Variants in KLRD1 observed in about 807,000 individuals in gnomAD.
KLRD1 encodes the protein killer cell lectin like receptor D1.
In KLRD1, 21 loss-of-function variants were observed where a neutral mutation model predicts 22.6. The ratio of observed to expected loss-of-function variants is 0.93; its 90% confidence interval spans 0.66 to 1.34. The LOEUF is 1.34. KLRD1 is among the 40% of genes most tolerant of loss of function. The pLI, the probability that KLRD1 is intolerant of heterozygous loss-of-function variation, is 0.00. For missense variants in KLRD1, 183 were observed against 208.6 expected (o/e 0.88, Z 0.76); for synonymous variants, 59 against 71.1 (o/e 0.83, Z 0.85).
In KLRD1 at chr12:10,328,022, T is replaced by C. The variant is rs1950376479; in HGVS notation, c.*13229T>C. The C allele has an allele frequency of 1.3e-5, 2 of 152,298 alleles. No homozygotes were observed. The highest frequency in any genetic ancestry group is 2.1e-4 in the South Asian group (1 of 4,830). The allele number at this position is 152,298 out of a possible 1,614,324, so 9.4% of individuals were successfully genotyped here. A position where few individuals can be genotyped will look rare whatever the true frequency, so the allele number is the denominator to read the frequency against. On this transcript the variant is annotated 3_prime_UTR_variant, in exon 6 of 6. Transcript: ENST00000336164. ...CCCAGGGATAAATGCCACTTGCTTATGGCATATACTCCTTTTAGTGTACTG... is the reference window on the plus strand; with the variant it reads ...CCCAGGGATAAATGCCACTTGCTTACGGCATATACTCCTTTTAGTGTACTG...
rs190982215 is a variant in KLRD1 at position 10,247,178 on chromosome 12, T to C, written c.-101+20945T>C. Among the ~76,000 whole-genome samples, 65 of 152,030 alleles carry C rather than the reference T, an allele frequency of 4.3e-4. 1 individual carries two copies. The highest frequency in any genetic ancestry group is 7.9e-4 in the Admixed American group (12 of 15,256). On this transcript the variant is annotated intron_variant, in intron 1 of 5. Transcript: ENST00000544747. ...GAACTCCTGACCTCAGGGGGGAATT[T>C]CTATTTATATCAATAATATTTTCCA...
chr12:10,296,546 A>G (rs1194610664), intron 1 of KLRD1, among the ~76,000 whole-genome samples: 1 of 151,980 alleles, frequency 6.6e-6, no homozygotes, highest in African/African-American at 2.4e-5. Flanking sequence ...CCACACACAC[A>G]CACACAAAAA....
chr12:10,288,524 T>C (rs1949733225), intron 1 of KLRD1, among the ~76,000 whole-genome samples: 1 of 152,228 alleles, frequency 6.6e-6, no homozygotes, highest in African/African-American at 2.4e-5. Flanking sequence ...GAGACTCAGC[T>C]TGACCACTGC....
rs1026890697 is a variant in KLRD1 at position 10,327,005 on chromosome 12, C to T, written c.*12212C>T. ...GCCAAAACCAATGTCAAAAGGTTTT[C>T]CTCTATGTTTTCTTTGAAGGGCTTT... On this transcript the variant is annotated 3_prime_UTR_variant, in exon 6 of 6. Coordinates refer to ENST00000336164, the MANE Select transcript of KLRD1 (RefSeq NM_002262.5). The T allele has an allele frequency of 6.6e-6, 1 of 152,142 alleles. No homozygotes were observed. The highest frequency in any genetic ancestry group is 6.5e-5 in the Admixed American group (1 of 15,270). 9.4% of individuals were successfully genotyped at this position (152,142 alleles called of 1,614,324 possible).
chr12:10,243,808 T>C (rs138486326), intron 1 of KLRD1, among the ~76,000 whole-genome samples: 7 of 152,198 alleles, frequency 4.6e-5, no homozygotes, highest in African/African-American at 1.7e-4. Flanking sequence ...TTCTCATTGG[T>C]AGCGGTTTTA....
At chr12:10,312,669 T>C (rs1022367026) in intron 4 of KLRD1, among the ~76,000 whole-genome samples, 15 of 148,914 alleles carry the variant, frequency 1.0e-4, no homozygotes, top group African/African-American at 2.2e-4. Context: ...TGAGCCACCG[T>C]GCCCGGCCCC....
At chr12:10,311,390 T>C (rs1020076295) in intron 3 of KLRD1, 74 bp from the exon 4 acceptor site, 13 of 1,405,598 alleles carry the variant, frequency 9.2e-6, no homozygotes, top group African/African-American at 1.4e-5. Flanking sequence ...CAAATAATTT[T>C]TGAATAATTA....
chr12:10,274,018 C>T (rs1949571132), intron 1 of KLRD1, among the ~76,000 whole-genome samples: 1 of 152,184 alleles, frequency 6.6e-6, no homozygotes, highest in Non-Finnish European at 1.5e-5. Flanking sequence ...CATGGTGGCT[C>T]ATGCTTGTAA....
chr12:10,250,756 T>C (rs2137619189), intron 1 of KLRD1, among the ~76,000 whole-genome samples: 1 of 152,310 alleles, frequency 6.6e-6, no homozygotes, highest in Non-Finnish European at 1.5e-5. Flanking sequence ...CCATTATATG[T>C]TGAGGCAAGT....
upstream of KLRD1, among the ~76,000 whole-genome samples, chr12:10,304,069 T>C (rs1171452842): frequency 3.9e-5 from 6 of 152,176 alleles, no homozygotes; most frequent in African/African-American, 1.4e-4. Context: ...AAGGATTGGA[T>C]TGTCAAATCA....
At chr12:10,258,109 G>C (rs552302062) in intron 1 of KLRD1, among the ~76,000 whole-genome samples, 3 of 152,246 alleles carry the variant, frequency 2.0e-5, no homozygotes, top group South Asian at 4.1e-4. Flanking sequence ...AAACTTGCTA[G>C]CCTGCTGATG....
intron 1 of KLRD1, among the ~76,000 whole-genome samples, chr12:10,288,075 A>G (rs1949726319): frequency 6.6e-6 from 1 of 150,648 alleles, no homozygotes; most frequent in South Asian, 2.1e-4. Flanking sequence ...CTCAAAAAAA[A>G]AAAAAAAAAG....
intron 1 of KLRD1, among the ~76,000 whole-genome samples, chr12:10,251,850 G>C (rs1451077357): frequency 6.6e-6 from 1 of 152,158 alleles, no homozygotes; most frequent in African/African-American, 2.4e-5. Context: ...AGGAAGCAGA[G>C]CTCTGGTGGT....
intron 1 of KLRD1, among the ~76,000 whole-genome samples, chr12:10,254,224 C>T (rs1482815277): frequency 4.6e-5 from 7 of 151,334 alleles, no homozygotes; most frequent in Admixed American, 2.0e-4. Flanking sequence ...GTCAGGAGCT[C>T]GAGACCATTC....
In KLRD1 at chr12:10,315,940, A is replaced by T. The variant is rs1384296606; in HGVS notation, c.*1147A>T. The stretch of plus-strand genomic sequence containing the variant: ...TGAGACCAGCCTGGCCAACATGGTG[A>T]AACCCTGTCTCTACTAAAAATACAA... On this transcript the variant is annotated 3_prime_UTR_variant, in exon 6 of 6. Coordinates refer to ENST00000336164, the MANE Select transcript of KLRD1 (RefSeq NM_002262.5). 1 of 152,008 alleles carries T rather than the reference A, an allele frequency of 6.6e-6. No individual in the cohort carries two copies. Among genetic ancestry groups the T allele is most frequent in the Non-Finnish European group, 1.5e-5 (1 of 68,008 alleles). 9.4% of individuals were successfully genotyped at this position (152,008 alleles called of 1,614,324 possible).
intron 1 of KLRD1, chr12:10,308,292 C>G (rs1442548878): frequency 5.4e-6 from 3 of 560,710 alleles, no homozygotes. Context: ...GTTTTTTCCA[C>G]AGGTTTGAAG....
chr12:10,314,184 T>C (rs568241212), intron 5 of KLRD1, among the ~76,000 whole-genome samples: 6 of 123,564 alleles, frequency 4.9e-5, no homozygotes, highest in Non-Finnish European at 8.7e-5. Flanking sequence ...AAAAAAATAG[T>C]ATATTTATTA....
chr12:10,246,933 C>CT (rs71049075), intron 1 of KLRD1, among the ~76,000 whole-genome samples: 1,918 of 58,316 alleles, frequency 0.033, 42 homozygotes, highest in African/African-American at 0.08. Flanking sequence ...CTTTTCTTTT[C>CT]TTTTTTTTTT....
intron 1 of KLRD1, among the ~76,000 whole-genome samples, chr12:10,266,580 G>T (rs1446239907): frequency 2.0e-5 from 3 of 151,528 alleles, no homozygotes; most frequent in African/African-American, 7.3e-5. Context: ...AATCTACCTA[G>T]AAATTATTTT....
Sources: gnomAD v4.1 joint callset for allele counts (sites outside exome capture counted in the v4.1 genomes callset) on GRCh38, gnomAD v4.1.1 for gene constraint, MANE v1.5 for transcripts, NCBI Gene and HGNC (gene_info 2026-07-23, HGNC 2026-07-21) for gene names.